EHBP1: variants seen among roughly 807,000 people sequenced by gnomAD.
EHBP1 encodes the protein EH domain-binding protein 1.
In EHBP1, 55 loss-of-function variants were observed where a neutral mutation model predicts 144.0. That is an observed-to-expected ratio of 0.38 (90% CI 0.31 to 0.48). The LOEUF (loss-of-function observed/expected upper bound fraction) is 0.48. Ranked by LOEUF, EHBP1 falls within the 20% of genes least tolerant of loss-of-function variation. EHBP1 has a pLI of 0.98. For missense variants in EHBP1, 1,200 were observed against 1,364.2 expected, an observed-to-expected ratio of 0.88 and a Z score of 1.90; for synonymous variants, 469 against 472.7, an observed-to-expected ratio of 0.99 and a Z score of 0.10.
At chr2:62,753,000 C>T (rs889044516) in intron 3 of EHBP1, among the ~76,000 whole-genome samples, 36 of 152,146 alleles carry the variant, frequency 2.4e-4, no homozygotes, top group Non-Finnish European at 1.2e-4. Context: ...AGCCCATTTA[C>T]ATTTAAGGTT....
intron 19 of EHBP1, among the ~76,000 whole-genome samples, chr2:63,036,018 C>T (rs2061428248): frequency 6.6e-6 from 1 of 152,022 alleles, no homozygotes; most frequent in South Asian, 2.1e-4. Context: ...GTTTTAACAG[C>T]ATTGAATGAA....
rs778693154 is a variant in EHBP1 at position 62,707,266 on chromosome 2, G to A, written c.75G>A (p.Gln25=). 4.3e-6 allele frequency: 7 copies of A among 1,614,136 alleles called. No homozygotes were observed. Among genetic ancestry groups the A allele is most frequent in the Non-Finnish European group, 5.1e-6 (6 of 1,179,958 alleles). Residue 25 remains glutamine, a synonymous_variant, in exon 2 of 23, where the codon CAG becomes CAA. Transcript: ENST00000431489. Reference sequence around the variant, plus strand: ...AGTTCCAGTTTGTGGCCTCCTACCAGGAGCTCATGGTTGAGTGTACGAAGA... The same window carrying A: ...AGTTCCAGTTTGTGGCCTCCTACCAAGAGCTCATGGTTGAGTGTACGAAGA... ...ASKFQFVASY[Q]ELMVECTKKW...
In EHBP1 at chr2:62,799,873, A is replaced by T. The variant is rs370676227; in HGVS notation, c.313-26214A>T. On this transcript the variant is annotated intron_variant, in intron 5 of 22. Coordinates refer to ENST00000431489, the MANE Select transcript of EHBP1 (RefSeq NM_001142616.3). ...CAGGTAATTTTGGAGTTGGGCATAT[A>T]AGCTGCTAGAATACCTACCTGGAGG... 2.0e-4 allele frequency among the ~76,000 whole-genome samples: 30 copies of T among 152,312 alleles called. 1 individual carries two copies. The highest frequency in any genetic ancestry group is 6.7e-4 in the African/African-American group (28 of 41,566).
At chr2:63,012,069 C>G (rs2060290579) in intron 19 of EHBP1, among the ~76,000 whole-genome samples, 1 of 151,452 alleles carries the variant, frequency 6.6e-6, no homozygotes, top group Admixed American at 6.6e-5. Flanking sequence ...TTTTAATGAA[C>G]TTTTAAACAT....
exon 1 of EHBP1, chr2:62,673,900 A>G: frequency 2.5e-6 from 1 of 396,098 alleles, no homozygotes; most frequent in East Asian, 7.2e-5. Flanking sequence ...TCCCTCCCCA[A>G]AGAGAGACTC....
At chr2:62,801,305 C>T (rs1188586922) in intron 5 of EHBP1, among the ~76,000 whole-genome samples, 2 of 152,198 alleles carry the variant, frequency 1.3e-5, no homozygotes, top group East Asian at 1.9e-4. Flanking sequence ...TACAGTGCTC[C>T]CTTGACATGG....
intron 5 of EHBP1, among the ~76,000 whole-genome samples, chr2:62,776,901 C>G (rs1203458686): frequency 6.6e-6 from 1 of 151,988 alleles, no homozygotes; most frequent in African/African-American, 2.4e-5. Context: ...AATTTTTTTT[C>G]TCTTCCTGGT....
Position 62,884,403 on chromosome 2 carries a change from C to T in EHBP1, c.1185+9871C>T, listed in dbSNP as rs138913794. On this transcript the variant is annotated intron_variant, in intron 10 of 22. Transcript: ENST00000431489. ...AAATTTACCCTCAGAGGAAGTCACTCTTAGGCTTGACCAGTGTTATCAAAT... is the reference window on the plus strand; with the variant it reads ...AAATTTACCCTCAGAGGAAGTCACTTTTAGGCTTGACCAGTGTTATCAAAT... Among the ~76,000 whole-genome samples the T allele has an allele frequency of 2.0e-5, 3 of 152,248 alleles. No individual in the cohort carries two copies. The East Asian group carries it at 5.8e-4, about 29-fold the overall frequency.
intron 16 of EHBP1, among the ~76,000 whole-genome samples, chr2:62,992,597 AT>A (rs978015437): frequency 6.6e-6 from 1 of 152,024 alleles, no homozygotes; most frequent in African/African-American, 2.4e-5. Context: ...TTGGGTTTTA[AT>A]TTTTTTTAAT....
intron 3 of EHBP1, among the ~76,000 whole-genome samples, chr2:62,754,927 T>C (rs2040130462): frequency 6.6e-6 from 1 of 152,208 alleles, no homozygotes. Flanking sequence ...CCTGACACCT[T>C]GCACTTCCCG....
intron 19 of EHBP1, among the ~76,000 whole-genome samples, chr2:63,019,617 G>A (rs1297148627): frequency 6.6e-6 from 1 of 151,762 alleles, no homozygotes; most frequent in Non-Finnish European, 1.5e-5. Context: ...TGAGGCAGAA[G>A]AATCACTTGA....
intron 7 of EHBP1, among the ~76,000 whole-genome samples, chr2:62,836,085 T>A (rs2047220088): frequency 6.6e-6 from 1 of 152,160 alleles, no homozygotes; most frequent in African/African-American, 2.4e-5. Context: ...CAGACTTAAA[T>A]GTCCCTGTCT....
chr2:62,933,271 G>A (rs2056146941), intron 10 of EHBP1, among the ~76,000 whole-genome samples: 1 of 151,936 alleles, frequency 6.6e-6, no homozygotes, highest in Non-Finnish European at 1.5e-5. Context: ...TCTAATATCT[G>A]GCTTAATTGA....
intron 10 of EHBP1, among the ~76,000 whole-genome samples, chr2:62,876,162 A>G (rs906991177): frequency 4.6e-5 from 7 of 152,164 alleles, no homozygotes; most frequent in African/African-American, 1.7e-4. Context: ...TAAGATGACC[A>G]TCCCTAAGTC....
chr2:62,698,005 G>A (rs920517858), intron 1 of EHBP1, among the ~76,000 whole-genome samples: 3 of 152,158 alleles, frequency 2.0e-5, no homozygotes, highest in African/African-American at 7.2e-5. Context: ...CAACAAGTTG[G>A]TCTTTTTATC....
chr2:62,834,886 G>A (rs1472592255), intron 7 of EHBP1, among the ~76,000 whole-genome samples: 2 of 152,156 alleles, frequency 1.3e-5, no homozygotes, highest in African/African-American at 4.8e-5. Context: ...TATGGATTTT[G>A]GTATAGACAG....
At chr2:62,805,705 C>G (rs963756419) in intron 5 of EHBP1, among the ~76,000 whole-genome samples, 2 of 151,962 alleles carry the variant, frequency 1.3e-5, no homozygotes, top group South Asian at 4.1e-4. Context: ...TTGTTGGAGA[C>G]AGGATTTCAC....
At chr2:62,847,267 T>G (rs1332000095) in intron 7 of EHBP1, among the ~76,000 whole-genome samples, 1 of 152,152 alleles carries the variant, frequency 6.6e-6, no homozygotes, top group Non-Finnish European at 1.5e-5. Flanking sequence ...ATGGAAAAAA[T>G]GAACCTCAAC....
At chr2:63,019,428 A>G (rs1426308356) in intron 19 of EHBP1, among the ~76,000 whole-genome samples, 2 of 152,154 alleles carry the variant, frequency 1.3e-5, no homozygotes, top group Admixed American at 1.3e-4. Context: ...TTTAAAAAAG[A>G]TAAAGGCAGC....
Sources: gnomAD v4.1 joint callset for allele counts (sites outside exome capture counted in the v4.1 genomes callset) on GRCh38, gnomAD v4.1.1 for gene constraint, MANE v1.5 for transcripts, NCBI Gene and HGNC (gene_info 2026-07-23, HGNC 2026-07-21) for gene names.